The following WHAMM variants were observed in gnomAD, a reference collection of about 807,000 sequenced individuals.
WHAMM encodes the protein WASP homolog associated with actin, golgi membranes and microtubules, also known as WASP homolog-associated protein with actin, membranes and microtubules.
Under a neutral mutation model 76.5 loss-of-function variants are expected in WHAMM, and 67 were observed. The ratio of observed to expected loss-of-function variants is 0.88; its 90% CI spans 0.72 to 1.07. WHAMM has a LOEUF of 1.07. Among genes scored for constraint, WHAMM ranks in the 50% least tolerant of loss-of-function variants. The pLI is 0.00. For synonymous variants in WHAMM, 419 were observed against 422.1 expected, an observed-to-expected ratio of 0.99 and a Z score of 0.09; for missense variants, 1,021 against 1,051.1, an observed-to-expected ratio of 0.97 and a Z score of 0.40.
In WHAMM at chr15:82,831,003, T is replaced by C. The variant is rs748014149; in HGVS notation, c.2046T>C (p.Asp682=). Reference sequence around the variant, plus strand: ...TAGGCTTCCGGGCTCCAGTGAAAGATGACCAGCCACGTCCTCTAGTGTGCG... The same window carrying C: ...TAGGCTTCCGGGCTCCAGTGAAAGACGACCAGCCACGTCCTCTAGTGTGCG... The part of the protein sequence containing the change: ...QNLGFRAPVK[D]DQPRPLVCES... Residue 682 remains aspartate, a synonymous_variant, in exon 9 of 10, where the codon GAT becomes GAC. Transcript: ENST00000286760. 1.3e-6 allele frequency: 2 copies of C among 1,590,938 alleles called. No individual in the cohort carries two copies. The highest frequency in any genetic ancestry group is 1.7e-4 in the Middle Eastern group (1 of 5,970).
chr15:82,814,912 G>A (rs1199251027), intron 2 of WHAMM, among the ~76,000 whole-genome samples: 1 of 149,670 alleles, frequency 6.7e-6, no homozygotes, highest in African/African-American at 2.4e-5. Context: ...TGGGACTACA[G>A]GTGCCCGCCA....
At position 82,833,248 on chromosome 15, in the gene WHAMM, G is replaced by C. The variant is rs565989700; in HGVS notation, c.2142G>C (p.Leu714Phe). 1 of 1,613,752 alleles carries C rather than the reference G, an allele frequency of 6.2e-7. No individual in the cohort carries two copies. The highest frequency in any genetic ancestry group is 1.1e-5 in the South Asian group (1 of 91,012). The change falls in exon 10 of 10, where the codon TTG becomes TTC. Residue 714 changes from leucine (L) to phenylalanine (F), a missense_variant. Around this residue, in one of 3 missense-constraint regions of WHAMM, gnomAD observed 509 missense variants for 492.3 expected, o/e 1.03. Coordinates refer to ENST00000286760, the MANE Select transcript of WHAMM (RefSeq NM_001080435.3). ...TTTCAGGATCTATGGATGAAGTGTTGGCCTCCTTAAGGCATGGCAGAGCTC... is the reference window on the plus strand; with the variant it reads ...TTTCAGGATCTATGGATGAAGTGTTCGCCTCCTTAAGGCATGGCAGAGCTC... ...FSCPGSMDEV[L>F]ASLRHGRAPL...
rs557555768 is a variant in WHAMM, at chr15:82,823,296, G to A, written c.1458+9G>A. On this transcript the variant is annotated intron_variant, in intron 6 of 9. Coordinates refer to ENST00000286760, the MANE Select transcript of WHAMM (RefSeq NM_001080435.3). ...CTCTCCGGAGTAGAAAGGTAGGTAC[G>A]CTCAGAGCGGCTTTCTTTTCTTTTC... 1.1e-5 allele frequency: 15 copies of A among 1,425,358 alleles called. No individual in the cohort carries two copies. The highest frequency in any genetic ancestry group is 1.0e-4 in the Admixed American group (4 of 39,214). 88.3% of individuals were successfully genotyped at this position (1,425,358 alleles called of 1,614,324 possible). A position where few individuals can be genotyped will look rare whatever the true frequency, so the allele number is the denominator to read the frequency against.
Position 82,833,693 on chromosome 15 carries a change from T to A in WHAMM, c.*157T>A. 1.2e-6 allele frequency: 1 copy of A among 808,938 alleles called. No homozygotes were observed. Among genetic ancestry groups the A allele is most frequent in the South Asian group, 1.9e-5 (1 of 51,282 alleles). The allele number at this position is 808,938 out of a possible 1,614,324, so 50.1% of individuals were successfully genotyped here. On this transcript the variant is annotated 3_prime_UTR_variant, in exon 10 of 10. Coordinates refer to ENST00000286760, the MANE Select transcript of WHAMM (RefSeq NM_001080435.3). ...TGTGTAGGCTGCTGCAGCATTTTTT[T>A]TTTTTTTCTTTTTTGAGATGGAGTC...
At chr15:82,818,226 AATC>A (rs1489713296) in intron 4 of WHAMM, 137 bp downstream of exon 4, 5 of 852,076 alleles carry the variant, frequency 5.9e-6, no homozygotes, top group Non-Finnish European at 8.9e-6. Context: ...CTTTTAGTGT[AATC>A]ATCACCTGTA....
At chr15:82,824,554 C>T (rs2050897508) in intron 6 of WHAMM, among the ~76,000 whole-genome samples, 1 of 152,200 alleles carries the variant, frequency 6.6e-6, no homozygotes, top group African/African-American at 2.4e-5. Flanking sequence ...CTCCTGACCT[C>T]AGGTGATCCA....
intron 2 of WHAMM, among the ~76,000 whole-genome samples, chr15:82,814,229 C>G (rs1316939074): frequency 2.0e-5 from 3 of 152,138 alleles, no homozygotes; most frequent in Non-Finnish European, 2.9e-5. Context: ...TGGGTCTCAA[C>G]AACAGAAATC....
chr15:82,833,315 G>T lies in WHAMM; in HGVS notation c.2209G>T (p.Ala737Ser). The change falls in exon 10 of 10, where the codon GCC becomes TCC. Residue 737 changes from alanine (A) to serine (S), a missense_variant. Ala to Ser is a moderately conservative substitution (Grantham distance 99). Transcript: ENST00000286760. ...AGTGCCGGCGGTGCGCCCTCCCCAC[G>T]CCTCAATCAATGAGCACATTCTGGC... ...VEVPAVRPPH[A>S]SINEHILAAI... The T allele has an allele frequency of 1.2e-6, 2 of 1,613,960 alleles. No individual in the cohort carries two copies. Among genetic ancestry groups the T allele is most frequent in the Non-Finnish European group, 1.7e-6 (2 of 1,179,866 alleles).
chr15:82,810,073 G>T lies in WHAMM; in HGVS notation c.347G>T (p.Gly116Val). 1 of 1,215,440 alleles carries T rather than the reference G, an allele frequency of 8.2e-7. No homozygotes were observed. 75.3% of individuals were successfully genotyped at this position (1,215,440 alleles called of 1,614,324 possible). A position where few individuals can be genotyped will look rare whatever the true frequency, so the allele number is the denominator to read the frequency against. The change falls in exon 1 of 10, where the codon GGC (glycine) becomes GTC (valine). Residue 116 changes from glycine to valine, a missense_variant. By Grantham distance (109) the Gly-to-Val change is moderately radical (BLOSUM62 -3). Transcript: ENST00000286760. ...CTGCCGCCGGAGCTGGACGTGGGCG[G>T]CGGCGGGGCCTGGGGTCTGGGGCTC... ...PRLPPELDVGGGGAWGLGLGL... is the reference protein window; with the variant it reads ...PRLPPELDVGVGGAWGLGLGL...
Position 82,830,667 on chromosome 15 carries a change from T to C in WHAMM, c.1710T>C (p.Asp570=). ...SEPVAPNLPS[D]LSQQMCLPAS... ...CTGTGGCTCCAAACCTGCCAAGTGATCTTTCCCAGCAGATGTGCTTGCCAG... is the reference window on the plus strand; with the variant it reads ...CTGTGGCTCCAAACCTGCCAAGTGACCTTTCCCAGCAGATGTGCTTGCCAG... The change falls in exon 9 of 10, where the codon GAT becomes GAC. Residue 570 remains aspartate, a synonymous_variant. Coordinates refer to ENST00000286760, the MANE Select transcript of WHAMM (RefSeq NM_001080435.3). 6.2e-7 allele frequency: 1 copy of C among 1,614,012 alleles called. No individual in the cohort carries two copies. Among genetic ancestry groups the C allele is most frequent in the African/African-American group, 1.3e-5 (1 of 75,048 alleles).
chr15:82,810,587 G>C, intron 1 of WHAMM: 1 of 985,484 alleles, frequency 1.0e-6, no homozygotes. Context: ...AGCTGGGCTA[G>C]GCCCCCAACT....
At chr15:82,819,179 T>G (rs984608319) in intron 4 of WHAMM, 144 bp from the exon 5 acceptor site, 3 of 320,918 alleles carry the variant, frequency 9.3e-6, no homozygotes, top group African/African-American at 6.5e-5. Flanking sequence ...CATCACTAGA[T>G]GAAATGAAAA....
At chr15:82,830,566 G>T in intron 8 of WHAMM, 33 bp from the exon 9 acceptor site, 1 of 1,593,214 alleles carries the variant, frequency 6.3e-7, no homozygotes, top group Non-Finnish European at 8.6e-7. Flanking sequence ...TTGCACTTGT[G>T]GCAGATTGCT....
rs376224512 is a variant in WHAMM at position 82,822,310 on chromosome 15, G to A, written c.1271-790G>A. ...ATCTGCTAAGGAAGTGATAAAAAGT[G>A]TACACAAAGATTTATACAGGGATGT... On this transcript the variant is annotated intron_variant, in intron 5 of 9. Coordinates refer to ENST00000286760, the MANE Select transcript of WHAMM (RefSeq NM_001080435.3). 7.2e-5 allele frequency among the ~76,000 whole-genome samples: 11 copies of A among 152,300 alleles called. No individual in the cohort carries two copies. The East Asian group carries it at 1.3e-3, about 19-fold the overall frequency.
chr15:82,823,712 C>T (rs1420269938), intron 6 of WHAMM, among the ~76,000 whole-genome samples: 6 of 152,184 alleles, frequency 3.9e-5, no homozygotes, highest in Non-Finnish European at 5.9e-5. Flanking sequence ...TTTACAGGCA[C>T]GCGCCAGCAC....
At position 82,817,978 on chromosome 15, in the gene WHAMM, A is replaced by G. The variant is rs944534134; in HGVS notation, c.993A>G (p.Thr331=). 5.2e-6 allele frequency: 8 copies of G among 1,548,840 alleles called. No homozygotes were observed. The highest frequency in any genetic ancestry group is 7.0e-6 in the Non-Finnish European group (8 of 1,146,384). The change falls in exon 4 of 10, where the codon ACA becomes ACG. Residue 331 remains threonine (T), a synonymous_variant. Transcript: ENST00000286760. ...AKRFGQAAWA[T]AIPRLEKLQL... is the part of the protein sequence containing the mutation. The stretch of plus-strand genomic sequence containing the variant: ...GATTTGGTCAGGCTGCCTGGGCCAC[A>G]GCAATTCCCAGGTTGGAAAAACTTC...
chr15:82,831,287 A>G (rs1446650314), intron 9 of WHAMM, among the ~76,000 whole-genome samples: 1 of 152,176 alleles, frequency 6.6e-6, no homozygotes, highest in Non-Finnish European at 1.5e-5. Context: ...ATAAATGTTA[A>G]TTCAGTTTGA....
chr15:82,831,137 C>G (rs2051027229), intron 9 of WHAMM, 58 bp downstream of exon 9: 2 of 1,556,520 alleles, frequency 1.3e-6, no homozygotes, highest in African/African-American at 1.4e-5. Context: ...TTGAAGCATT[C>G]TAGCTTCAGA....
At position 82,819,446 on chromosome 15, in the gene WHAMM, CT is replaced by C; in HGVS notation, c.1229del (p.Leu410ArgfsTer13). On this transcript the variant is annotated frameshift_variant, in exon 5 of 10. Transcript: ENST00000286760. LOFTEE classifies it high-confidence loss of function. The part of the protein sequence containing the change: ...KFEILKNEEI[L>X]LTTQLDSLKR... ...TGAGATATTAAAAAACGAAGAAATA[CT>C]GCTTACTACACAGTTGGACTCTCTT... The C allele has an allele frequency of 7.9e-7, 1 of 1,266,340 alleles. No homozygotes were observed. Among genetic ancestry groups the C allele is most frequent in the Non-Finnish European group, 1.1e-6 (1 of 946,038 alleles). 78.4% of individuals were successfully genotyped at this position (1,266,340 alleles called of 1,614,324 possible).
Sources: gnomAD v4.1 joint callset for allele counts (sites outside exome capture counted in the v4.1 genomes callset) on GRCh38, gnomAD v4.1.1 for gene constraint, gnomAD v4.1.1 regional missense constraint, MANE v1.5 for transcripts, NCBI Gene and HGNC (gene_info 2026-07-23, HGNC 2026-07-21) for gene names.